PTPN12: variants seen among roughly 807,000 people sequenced by gnomAD.
PTPN12 encodes tyrosine-protein phosphatase non-receptor type 12.
A neutral mutation model predicts 97.6 loss-of-function variants in PTPN12; 29 were observed. The observed-to-expected ratio is 0.30, with a 90% confidence interval of 0.22 to 0.41. The LOEUF is 0.41. Among genes scored for constraint, PTPN12 ranks in the 10% least tolerant of loss-of-function variants. The pLI, the probability that PTPN12 is intolerant of heterozygous loss-of-function variation, is 1.00. For synonymous variants in PTPN12, 327 were observed against 300.4 expected (o/e 1.09, Z -0.91); for missense variants, 819 against 926.0 (o/e 0.88, Z 1.50).
chr7:77,615,489 A>G (rs1314500438), intron 11 of PTPN12, among the ~76,000 whole-genome samples: 1 of 152,234 alleles, frequency 6.6e-6, no homozygotes, highest in Non-Finnish European at 1.5e-5. Flanking sequence ...TTTCATGCCT[A>G]TAATCCCAGC....
intron 12 of PTPN12, 100 bp from the exon 13 acceptor site, chr7:77,626,605 A>T (rs747388316): frequency 1.5e-6 from 2 of 1,309,054 alleles, no homozygotes; most frequent in Non-Finnish European, 2.1e-6. Context: ...TCGCAACCAG[A>T]TTGTAATGGC....
chr7:77,583,651 G>A lies in PTPN12; in HGVS notation c.381+1G>A. On this transcript the variant is annotated splice_donor_variant, in intron 4 of 17. Coordinates refer to ENST00000248594, the MANE Select transcript of PTPN12 (RefSeq NM_002835.4). LOFTEE classifies it high-confidence loss of function. ...GATGATATGGGAGTATAATGTTGTG[G>A]TAAGTAATTTACTTTTCACAATAAA... 1.3e-6 allele frequency: 2 copies of A among 1,544,912 alleles called. No homozygotes were observed. Among genetic ancestry groups the A allele is most frequent in the Non-Finnish European group, 1.8e-6 (2 of 1,127,622 alleles).
intron 1 of PTPN12, among the ~76,000 whole-genome samples, chr7:77,542,666 A>G (rs1305116068): frequency 6.6e-6 from 1 of 152,226 alleles, no homozygotes; most frequent in Non-Finnish European, 1.5e-5. Context: ...CTAGCTTGGT[A>G]TCTGTCACCC....
In PTPN12 at chr7:77,609,273, C is replaced by CTCTT. The variant is rs557560724; in HGVS notation, c.763-1491_763-1490insCTTT. ...ATTTTGAACATAGTTCTCTCTCTCTCTTTTTTTTTTTTTTTTGAGATGGAG... is the reference window on the plus strand; with the variant it reads ...ATTTTGAACATAGTTCTCTCTCTCTCTCTTTTTTTTTTTTTTTTTTGAGATGGAG... On this transcript the variant is annotated intron_variant, in intron 9 of 17. Coordinates refer to ENST00000248594, the MANE Select transcript of PTPN12 (RefSeq NM_002835.4). Among the ~76,000 whole-genome samples the CTCTT allele has an allele frequency of 3.0e-3, 375 of 126,884 alleles. 1 individual carries two copies. The highest frequency in any genetic ancestry group is 7.0e-3 in the African/African-American group (235 of 33,630). 83.2% of individuals were successfully genotyped at this position (126,884 alleles called of 152,430 possible). A position where few individuals can be genotyped will look rare whatever the true frequency, so the allele number is the denominator to read the frequency against.
chr7:77,576,096 C>T (rs1242315092), intron 2 of PTPN12, among the ~76,000 whole-genome samples: 1 of 152,246 alleles, frequency 6.6e-6, no homozygotes, highest in South Asian at 2.1e-4. Context: ...CCTCGTGATC[C>T]GCCTGCCTCG....
chr7:77,576,076 G>A (rs918843094), intron 2 of PTPN12, among the ~76,000 whole-genome samples: 8 of 152,080 alleles, frequency 5.3e-5, no homozygotes, highest in South Asian at 2.1e-4. Context: ...GACTGGTCTC[G>A]AACTCCTGAC....
intron 2 of PTPN12, among the ~76,000 whole-genome samples, chr7:77,576,289 C>G (rs1484155600): frequency 6.6e-6 from 1 of 152,100 alleles, no homozygotes; most frequent in Admixed American, 6.5e-5. Context: ...TGTCATACAA[C>G]TCTCTGTGTG....
intron 9 of PTPN12, among the ~76,000 whole-genome samples, chr7:77,608,563 A>G (rs957047006): frequency 2.0e-5 from 3 of 152,182 alleles, no homozygotes; most frequent in African/African-American, 7.2e-5. Context: ...AATCCTTCAT[A>G]GCTTTATAGT....
chr7:77,598,344 T>C (rs533516841), intron 7 of PTPN12, among the ~76,000 whole-genome samples: 21 of 152,286 alleles, frequency 1.4e-4, no homozygotes, highest in African/African-American at 4.6e-4. Context: ...CTCAGCATTA[T>C]ACAATACACC....
At chr7:77,638,778 G>A (rs1051862823) in intron 17 of PTPN12, 47 bp downstream of exon 17, 38 of 1,550,062 alleles carry the variant, frequency 2.5e-5, no homozygotes, top group Non-Finnish European at 3.0e-5. Context: ...AACACTGGCA[G>A]GAATGAGAAA....
intron 2 of PTPN12, 114 bp downstream of exon 2, chr7:77,571,300 C>A: frequency 1.6e-6 from 1 of 637,514 alleles, no homozygotes; most frequent in Non-Finnish European, 2.7e-6. Flanking sequence ...ATTAACCTAT[C>A]TTTCAAAGTA....
chr7:77,561,415 A>G (rs907302133), intron 1 of PTPN12, among the ~76,000 whole-genome samples: 12 of 152,322 alleles, frequency 7.9e-5, no homozygotes, highest in Middle Eastern at 6.8e-3. Flanking sequence ...TAATAAAGGG[A>G]AAAATGAAAT....
chr7:77,625,563 CTCTTTTTTTTTTTTT>C (rs1335026163), intron 12 of PTPN12, among the ~76,000 whole-genome samples: 2 of 27,784 alleles, frequency 7.2e-5, no homozygotes, highest in South Asian at 3.7e-3. Flanking sequence ...CGCTCTCTCT[CTCTTTTTTTTTTTTT>C]TTTTTTTTTT....
intron 15 of PTPN12, among the ~76,000 whole-genome samples, chr7:77,636,304 G>A (rs893727096): frequency 2.0e-5 from 3 of 151,936 alleles, no homozygotes; most frequent in East Asian, 1.9e-4. Flanking sequence ...TTTTGAGGGC[G>A]TGGCATGGTG....
At chr7:77,577,055 G>A (rs1013708332) in intron 2 of PTPN12, among the ~76,000 whole-genome samples, 10 of 152,166 alleles carry the variant, frequency 6.6e-5, no homozygotes, top group Admixed American at 5.2e-4. Context: ...TCATTTATTT[G>A]AAATCATGCA....
intron 12 of PTPN12, among the ~76,000 whole-genome samples, chr7:77,621,966 A>G (rs889566258): frequency 5.3e-5 from 8 of 151,948 alleles, no homozygotes; most frequent in Non-Finnish European, 7.4e-5. Flanking sequence ...TTTCTGTTTT[A>G]TTTTGTTTTG....
Position 77,585,598 on chromosome 7 carries a change from C to G in PTPN12, c.420+17C>G. On this transcript the variant is annotated intron_variant, in intron 5 of 17. Transcript: ENST00000248594. Reference sequence around the variant, plus strand: ...ATGGGAAGGGTATGTATAATCTATTCCTCTTACTATTTCATTTTTACGGAT... The same window carrying G: ...ATGGGAAGGGTATGTATAATCTATTGCTCTTACTATTTCATTTTTACGGAT... The G allele has an allele frequency of 6.4e-7, 1 of 1,571,250 alleles. No homozygotes were observed. The highest frequency in any genetic ancestry group is 8.7e-7 in the Non-Finnish European group (1 of 1,143,958).
chr7:77,586,778 C>G (rs1272704838), intron 5 of PTPN12, among the ~76,000 whole-genome samples: 13 of 152,184 alleles, frequency 8.5e-5, no homozygotes, highest in Non-Finnish European at 1.8e-4. Context: ...ATTTAATGTC[C>G]TAAATCCTTT....
rs1487154389 is a variant in PTPN12 at position 77,619,235 on chromosome 7, C to T, written c.1025+670C>T. Among the ~76,000 whole-genome samples the T allele has an allele frequency of 1.3e-5, 2 of 152,114 alleles. 1 individual carries two copies. The highest frequency in any genetic ancestry group is 2.9e-5 in the Non-Finnish European group (2 of 68,006). ...AAACTATTAGAATATTTTATAGTGT[C>T]TTTCTTGCACATAGATCTGCCAAAA... On this transcript the variant is annotated intron_variant, in intron 12 of 17. Coordinates refer to ENST00000248594, the MANE Select transcript of PTPN12 (RefSeq NM_002835.4).
Sources: gnomAD v4.1 joint callset for allele counts (sites outside exome capture counted in the v4.1 genomes callset) on GRCh38, gnomAD v4.1.1 for gene constraint, MANE v1.5 for transcripts, NCBI Gene and HGNC (gene_info 2026-07-23, HGNC 2026-07-21) for gene names.